Variants in CBLB observed in about 807,000 individuals in gnomAD.
CBLB encodes the protein Cbl proto-oncogene B, also known as E3 ubiquitin-protein ligase CBL-B.
Under a neutral mutation model 104.9 loss-of-function variants are expected in CBLB, and 31 were observed. The observed-to-expected ratio is 0.30, with a 90% confidence interval of 0.22 to 0.40. The LOEUF (loss-of-function observed/expected upper bound fraction) is 0.40. Ranked by LOEUF, CBLB falls within the 10% of genes least tolerant of loss-of-function variation. The pLI is 1.00. For missense variants in CBLB, 1,062 were observed against 1,214.6 expected, an observed-to-expected ratio of 0.87 and a Z score of 1.87; for synonymous variants, 440 against 422.6, an observed-to-expected ratio of 1.04 and a Z score of -0.51.
At chr3:105,695,339 C>T (rs185892026) in intron 12 of CBLB, among the ~76,000 whole-genome samples, 187 of 151,828 alleles carry the variant, frequency 1.2e-3, no homozygotes, top group Non-Finnish European at 2.4e-3. Context: ...ACATTATGAA[C>T]GTATCTTTAA....
chr3:105,828,996 C>T (rs1001142304), intron 3 of CBLB, among the ~76,000 whole-genome samples: 1 of 151,832 alleles, frequency 6.6e-6, no homozygotes, highest in Non-Finnish European at 1.5e-5. Context: ...GAATATTTAA[C>T]ATATATAATT....
intron 10 of CBLB, among the ~76,000 whole-genome samples, chr3:105,711,453 G>A (rs2152806967): frequency 6.6e-6 from 1 of 152,034 alleles, no homozygotes; most frequent in East Asian, 1.9e-4. Context: ...TAAAATAGTA[G>A]CCTATACAGA....
chr3:105,734,237 A>G, intron 8 of CBLB, 97 bp from the exon 9 acceptor site: 1 of 1,193,496 alleles, frequency 8.4e-7, no homozygotes, highest in South Asian at 1.2e-5. Context: ...CACAGTCAAT[A>G]TCTCACAATT....
chr3:105,759,946 C>T (rs1036779838), intron 4 of CBLB, among the ~76,000 whole-genome samples: 2 of 152,338 alleles, frequency 1.3e-5, no homozygotes, highest in Admixed American at 1.3e-4. Flanking sequence ...GCAGCCACTC[C>T]AGATGGGCAG....
chr3:105,834,038 CAATT>C (rs2088003560), intron 3 of CBLB, among the ~76,000 whole-genome samples: 1 of 116,296 alleles, frequency 8.6e-6, no homozygotes, highest in Admixed American at 1.0e-4. Context: ...GCAAAAAAGA[CAATT>C]AATTCAACAA....
chr3:105,705,640 C>T (rs2152793766), intron 10 of CBLB, among the ~76,000 whole-genome samples: 1 of 152,304 alleles, frequency 6.6e-6, no homozygotes, highest in South Asian at 2.1e-4. Flanking sequence ...CACATCATAT[C>T]AAGGATCCAT....
chr3:105,780,644 A>G (rs1353123660), intron 3 of CBLB, among the ~76,000 whole-genome samples: 1 of 141,436 alleles, frequency 7.1e-6, no homozygotes, highest in East Asian at 2.1e-4. Flanking sequence ...ATTTTACAAT[A>G]AAAGTTTTGT....
At chr3:105,725,073 T>C (rs2073412065) in intron 9 of CBLB, among the ~76,000 whole-genome samples, 2 of 152,186 alleles carry the variant, frequency 1.3e-5, no homozygotes, top group Non-Finnish European at 2.9e-5. Flanking sequence ...TGATCATTCA[T>C]AAATGTAAAA....
At position 105,779,967 on chromosome 3, in the gene CBLB, T is replaced by A. The variant is rs373854565; in HGVS notation, c.420-3425A>T. Among the ~76,000 whole-genome samples, 14 of 151,654 alleles carry A rather than the reference T, an allele frequency of 9.2e-5. No homozygotes were observed. The South Asian group carries it at 2.9e-3, about 32-fold the overall frequency. On this transcript the variant is annotated intron_variant, in intron 3 of 18. Transcript: ENST00000394030. ...CTCCCGGGTTCAAGCAATCCTCCTG[T>A]CTCAGCCTCCCAAGTAGCTGGGATT...
At chr3:105,736,442 T>C (rs1183776588) in intron 8 of CBLB, among the ~76,000 whole-genome samples, 1 of 152,210 alleles carries the variant, frequency 6.6e-6, no homozygotes, top group Non-Finnish European at 1.5e-5. Flanking sequence ...TATTTTACAG[T>C]ACAAGATGCA....
At chr3:105,771,455 C>A (rs1007263798) in intron 4 of CBLB, among the ~76,000 whole-genome samples, 1 of 151,976 alleles carries the variant, frequency 6.6e-6, no homozygotes, top group African/African-American at 2.4e-5. Context: ...TGAAAGCATT[C>A]CCCCTGAGAA....
chr3:105,693,503 G>GGGAGGAGGGTGGTAACTGGA lies in CBLB; in HGVS notation c.2025_2044dup (p.Pro682LeufsTer10). On this transcript the variant is annotated frameshift_variant, in exon 13 of 19. Transcript: ENST00000394030. LOFTEE classifies it high-confidence loss of function. Reference sequence around the variant, plus strand: ...ATTCAACAAAACTCACTTTATGCTAGGGAGGAGGGTGGTAACTGGAGGAGG... The same window carrying GGGAGGAGGGTGGTAACTGGA: ...ATTCAACAAAACTCACTTTATGCTAGGGAGGAGGGTGGTAACTGGAGGAGGAGGGTGGTAACTGGAGGAGG... The GGGAGGAGGGTGGTAACTGGA allele has an allele frequency of 6.2e-7, 1 of 1,606,144 alleles. No homozygotes were observed. The highest frequency in any genetic ancestry group is 8.5e-7 in the Non-Finnish European group (1 of 1,173,168).
At chr3:105,784,294 A>C (rs1286571604) in intron 3 of CBLB, among the ~76,000 whole-genome samples, 6 of 152,240 alleles carry the variant, frequency 3.9e-5, no homozygotes, top group Non-Finnish European at 7.3e-5. Context: ...ACACAATGAA[A>C]GTTCTGTAAA....
chr3:105,722,782 G>A (rs566718966), intron 9 of CBLB, among the ~76,000 whole-genome samples: 1 of 152,230 alleles, frequency 6.6e-6, no homozygotes, highest in East Asian at 1.9e-4. Context: ...GAGTTTTGAA[G>A]GGGGAGGAGG....
chr3:105,675,804 G>C (rs1476320562), intron 17 of CBLB, among the ~76,000 whole-genome samples: 3 of 145,598 alleles, frequency 2.1e-5, no homozygotes, highest in Non-Finnish European at 4.5e-5. Flanking sequence ...AGAATCACTT[G>C]AACCTTGGAG....
intron 9 of CBLB, among the ~76,000 whole-genome samples, chr3:105,732,717 A>G (rs899480020): frequency 6.6e-6 from 1 of 152,154 alleles, no homozygotes; most frequent in Admixed American, 6.5e-5. Flanking sequence ...GGAGCTCGGC[A>G]GGCATCAATG....
At chr3:105,765,353 AG>A (rs1183600293) in intron 4 of CBLB, among the ~76,000 whole-genome samples, 4 of 152,122 alleles carry the variant, frequency 2.6e-5, no homozygotes, top group African/African-American at 9.7e-5. Flanking sequence ...AAAAAACAAA[AG>A]CCCCCTGATA....
intron 3 of CBLB, among the ~76,000 whole-genome samples, chr3:105,809,142 C>T (rs1006840284): frequency 1.3e-5 from 2 of 152,156 alleles, no homozygotes; most frequent in African/African-American, 2.4e-5. Context: ...TAGAAGCAGA[C>T]AAATACACAC....
chr3:105,852,659 C>T (rs993498404), intron 3 of CBLB, among the ~76,000 whole-genome samples: 3 of 151,434 alleles, frequency 2.0e-5, no homozygotes, highest in South Asian at 2.1e-4. Flanking sequence ...ATTCACTCAC[C>T]GTTCACTCAC....
Sources: gnomAD v4.1 joint callset for allele counts (sites outside exome capture counted in the v4.1 genomes callset) on GRCh38, gnomAD v4.1.1 for gene constraint, MANE v1.5 for transcripts, NCBI Gene and HGNC (gene_info 2026-07-23, HGNC 2026-07-21) for gene names.